The following HPSE2 variants were observed in gnomAD, a reference collection of about 807,000 sequenced individuals.
HPSE2 encodes the protein inactive heparanase-2.
A neutral mutation model predicts 60.5 loss-of-function variants in HPSE2; 38 were observed. The ratio of observed to expected loss-of-function variants is 0.63; its 90% CI spans 0.48 to 0.82. The LOEUF (loss-of-function observed/expected upper bound fraction) is 0.82, where lower values mean the gene tolerates loss of function less well. Ranked by LOEUF, HPSE2 falls within the 40% of genes least tolerant of loss-of-function variation. The pLI is 0.00. For missense variants in HPSE2, 713 were observed against 740.4 expected, an observed-to-expected ratio of 0.96 and a Z score of 0.43; for synonymous variants, 295 against 293.2, an observed-to-expected ratio of 1.01 and a Z score of -0.06.
intron 9 of HPSE2, among the ~76,000 whole-genome samples, chr10:98,531,505 G>C (rs946874486): frequency 2.0e-5 from 3 of 152,178 alleles, no homozygotes; most frequent in African/African-American, 7.2e-5. Context: ...CTCTGGGCCT[G>C]GTATTCAAGC....
At position 98,947,142 on chromosome 10, in the gene HPSE2, A is replaced by C. The variant is rs113181197; in HGVS notation, c.610+197096T>G. The stretch of plus-strand genomic sequence containing the variant: ...ATGTGATGCCCACCATTTCAAGATA[A>C]ATGAACCAAGAATAAGGACCATGGT... On this transcript the variant is annotated intron_variant, in intron 3 of 11. Coordinates refer to ENST00000370552, the MANE Select transcript of HPSE2 (RefSeq NM_021828.5). Among the ~76,000 whole-genome samples, 382 of 152,230 alleles carry C rather than the reference A, an allele frequency of 2.5e-3. 2 individuals carry two copies. Among genetic ancestry groups the C allele is most frequent in the African/African-American group, 8.9e-3 (368 of 41,556 alleles).
intron 3 of HPSE2, among the ~76,000 whole-genome samples, chr10:99,075,826 A>C (rs1842935679): frequency 6.6e-6 from 1 of 152,060 alleles, no homozygotes; most frequent in Admixed American, 6.5e-5. Flanking sequence ...ATTTTGTCTT[A>C]TATAGCCACT....
At chr10:98,587,118 C>T (rs1944961035) in intron 9 of HPSE2, among the ~76,000 whole-genome samples, 1 of 152,160 alleles carries the variant, frequency 6.6e-6, no homozygotes, top group African/African-American at 2.4e-5. Flanking sequence ...CATTATCATC[C>T]TTCAAGGCAT....
At chr10:98,584,729 A>AGTCT (rs1049931026) in intron 9 of HPSE2, among the ~76,000 whole-genome samples, 35 of 152,312 alleles carry the variant, frequency 2.3e-4, no homozygotes, top group African/African-American at 7.9e-4. Flanking sequence ...TGCTACCAAG[A>AGTCT]GTCTGTTTAG....
intron 11 of HPSE2, among the ~76,000 whole-genome samples, chr10:98,463,679 C>A (rs1049806703): frequency 6.6e-6 from 1 of 152,060 alleles, no homozygotes; most frequent in Non-Finnish European, 1.5e-5. Context: ...GTGGCACATG[C>A]CTGTAGTCCC....
At chr10:98,797,151 C>T (rs1198104700) in intron 3 of HPSE2, among the ~76,000 whole-genome samples, 2 of 152,208 alleles carry the variant, frequency 1.3e-5, no homozygotes, top group East Asian at 3.9e-4. Context: ...AAATGAGGCA[C>T]CAGAGATCAA....
chr10:98,472,102 G>A (rs1013746748), intron 11 of HPSE2, among the ~76,000 whole-genome samples: 2 of 152,030 alleles, frequency 1.3e-5, no homozygotes, highest in Non-Finnish European at 2.9e-5. Flanking sequence ...GCATTAACAA[G>A]ATTTGTGAGG....
chr10:98,993,344 A>G (rs1231301598), intron 3 of HPSE2, among the ~76,000 whole-genome samples: 1 of 152,240 alleles, frequency 6.6e-6, no homozygotes, highest in African/African-American at 2.4e-5. Flanking sequence ...AGACATATAC[A>G]ACGTTCTAAA....
intron 3 of HPSE2, among the ~76,000 whole-genome samples, chr10:98,877,498 C>T (rs758870987): frequency 1.3e-5 from 2 of 151,536 alleles, no homozygotes; most frequent in East Asian, 1.9e-4. Context: ...TTTTTCTTAT[C>T]GATAAAGTGG....
chr10:98,745,518 T>C (rs893079648), intron 3 of HPSE2, among the ~76,000 whole-genome samples: 19 of 152,294 alleles, frequency 1.2e-4, no homozygotes, highest in African/African-American at 4.6e-4. Context: ...TCACCCATAA[T>C]TTTCCCCTCA....
At chr10:98,948,541 G>A (rs1262049000) in intron 3 of HPSE2, among the ~76,000 whole-genome samples, 1 of 152,148 alleles carries the variant, frequency 6.6e-6, no homozygotes, top group African/African-American at 2.4e-5. Flanking sequence ...TTACAACATG[G>A]ATCCTTCTAT....
intron 9 of HPSE2, among the ~76,000 whole-genome samples, chr10:98,523,946 C>A (rs1373896233): frequency 6.6e-6 from 1 of 152,152 alleles, no homozygotes; most frequent in South Asian, 2.1e-4. Context: ...CCAGAAAGTA[C>A]AATAGCTTAG....
At chr10:98,471,854 T>C (rs61874867) in intron 11 of HPSE2, among the ~76,000 whole-genome samples, 46,768 of 152,064 alleles carry the variant, frequency 0.31, 7,213 homozygotes, top group East Asian at 0.4. Context: ...ATCATTCAGA[T>C]TTCTCTCAAG....
chr10:99,012,741 C>T (rs963606574), intron 3 of HPSE2, among the ~76,000 whole-genome samples: 1 of 151,950 alleles, frequency 6.6e-6, no homozygotes, highest in Non-Finnish European at 1.5e-5. Context: ...ACTTAACGGA[C>T]CAAGAAGAGA....
intron 3 of HPSE2, among the ~76,000 whole-genome samples, chr10:98,892,577 T>A (rs1457046006): frequency 3.9e-5 from 6 of 152,200 alleles, no homozygotes; most frequent in Non-Finnish European, 8.8e-5. Context: ...TCTATTATCC[T>A]TTATAGATCT....
chr10:99,297,384 G>A, the HPSE2 span, among the ~76,000 whole-genome samples: 1 of 152,216 alleles, frequency 6.6e-6, no homozygotes, highest in South Asian at 2.1e-4. Flanking sequence ...TGGTGAAGAG[G>A]TGACTGTTCC....
intron 2 of HPSE2, among the ~76,000 whole-genome samples, chr10:99,177,805 C>A (rs930962994): frequency 2.6e-5 from 4 of 152,108 alleles, no homozygotes; most frequent in Admixed American, 6.5e-5. Flanking sequence ...CGCCCCAAAT[C>A]GACAGATTAT....
chr10:98,996,742 C>T (rs1169472969), intron 3 of HPSE2, among the ~76,000 whole-genome samples: 1 of 152,086 alleles, frequency 6.6e-6, no homozygotes, highest in Non-Finnish European at 1.5e-5. Context: ...AAACATTATG[C>T]CAAGTGAAAG....
intron 3 of HPSE2, among the ~76,000 whole-genome samples, chr10:99,096,119 C>T (rs182541235): frequency 3.3e-5 from 5 of 152,166 alleles, no homozygotes; most frequent in African/African-American, 4.8e-5. Context: ...CTTTTCAAAA[C>T]GAAATTGAGA....
Sources: gnomAD v4.1 joint callset for allele counts (sites outside exome capture counted in the v4.1 genomes callset) on GRCh38, gnomAD v4.1.1 for gene constraint, MANE v1.5 for transcripts, NCBI Gene and HGNC (gene_info 2026-07-23, HGNC 2026-07-21) for gene names.